Variants in SNRNP48 observed in about 807,000 individuals in gnomAD.
SNRNP48 encodes small nuclear ribonucleoprotein U11/U12 subunit 48.
Under a neutral mutation model 47.0 loss-of-function variants are expected in SNRNP48, and 43 were observed. The observed-to-expected ratio is 0.92, with a 90% confidence interval of 0.72 to 1.18. The LOEUF is 1.18. Among genes scored for constraint, SNRNP48 ranks in the 50% most tolerant of loss-of-function variants. The pLI is 0.00. For missense variants in SNRNP48, 396 were observed against 422.2 expected (o/e 0.94, Z 0.54); for synonymous variants, 138 against 144.0 (o/e 0.96, Z 0.30).
Position 7,590,419 on chromosome 6 carries a change from G to C in SNRNP48, c.156+6G>C, listed in dbSNP as rs1215310319. 7.7e-7 allele frequency: 1 copy of C among 1,300,216 alleles called. No homozygotes were observed. The highest frequency in any genetic ancestry group is 9.9e-7 in the Non-Finnish European group (1 of 1,013,122). 80.5% of individuals were successfully genotyped at this position (1,300,216 alleles called of 1,614,324 possible). A position where few individuals can be genotyped will look rare whatever the true frequency, so the allele number is the denominator to read the frequency against. ...GGGAAGAGGAGGCGGCGGAGGTGAG[G>C]AGCGCGGCCGCGGGGCCCTTTCGGG... On this transcript the variant is annotated splice_donor_region_variant and intron_variant, in intron 1 of 8. Coordinates refer to ENST00000342415, the MANE Select transcript of SNRNP48 (RefSeq NM_152551.4).
intron 8 of SNRNP48, among the ~76,000 whole-genome samples, chr6:7,607,092 G>A (rs890342491): frequency 6.6e-6 from 1 of 152,212 alleles, no homozygotes; most frequent in African/African-American, 2.4e-5. Flanking sequence ...GCTGAGGCAG[G>A]TGATCACTTG....
rs554509929 is a variant in SNRNP48, at chr6:7,592,985, G to C, written c.157-749G>C. Among the ~76,000 whole-genome samples, 5 of 152,242 alleles carry C rather than the reference G, an allele frequency of 3.3e-5. No individual in the cohort carries two copies. The East Asian group carries it at 9.6e-4, about 29-fold the overall frequency. On this transcript the variant is annotated intron_variant, in intron 1 of 8. Transcript: ENST00000342415. Reference sequence around the variant, plus strand: ...GAAATAGAAAAGTACAAAAGGAATAGATTTGAGGGTTGGGAGATGATGAAT... The same window carrying C: ...GAAATAGAAAAGTACAAAAGGAATACATTTGAGGGTTGGGAGATGATGAAT...
Position 7,602,727 on chromosome 6 carries a change from A to G in SNRNP48, c.700A>G (p.Lys234Glu). The G allele has an allele frequency of 2.5e-6, 4 of 1,584,888 alleles. No homozygotes were observed. Among genetic ancestry groups the G allele is most frequent in the Non-Finnish European group, 3.4e-6 (4 of 1,169,312 alleles). Reference sequence around the variant, plus strand: ...TAGAGCCAAGAATGTTCACATAACCAAGAAATCATATACTGAGGTAAGTTT... The same window carrying G: ...TAGAGCCAAGAATGTTCACATAACCGAGAAATCATATACTGAGGTAAGTTT... ...SYRAKNVHIT[K>E]KSYTEVIRDV... Residue 234 changes from lysine to glutamate, a missense_variant, in exon 6 of 9, where the codon AAG becomes GAG. By Grantham distance (56) the Lys-to-Glu change is moderately conservative (BLOSUM62 1). Coordinates refer to ENST00000342415, the MANE Select transcript of SNRNP48 (RefSeq NM_152551.4).
chr6:7,599,797 T>C (rs1266737086), intron 4 of SNRNP48: 1 of 1,248,224 alleles, frequency 8.0e-7, no homozygotes, highest in Non-Finnish European at 1.0e-6. Flanking sequence ...TCTTAATACC[T>C]GTCACATATT....
chr6:7,601,356 G>A lies in SNRNP48; in HGVS notation c.427G>A (p.Val143Ile). 1 of 1,576,148 alleles carries A rather than the reference G, an allele frequency of 6.3e-7. No homozygotes were observed. The highest frequency in any genetic ancestry group is 1.4e-5 in the African/African-American group (1 of 72,342). ...YNQRIYSSLP[V>I]EVPLNHKRFV... ...TTTAGGAATTTATTCTTCATTGCCTGTTGAAGTTCCTTTGAATCACAAACG... is the reference window on the plus strand; with the variant it reads ...TTTAGGAATTTATTCTTCATTGCCTATTGAAGTTCCTTTGAATCACAAACG... Residue 143 changes from valine (V) to isoleucine (I), a missense_variant, in exon 5 of 9, where the codon GTT becomes ATT. Transcript: ENST00000342415.
At chr6:7,598,962 G>A (rs1759960927) in intron 4 of SNRNP48, among the ~76,000 whole-genome samples, 1 of 151,962 alleles carries the variant, frequency 6.6e-6, no homozygotes, top group Non-Finnish European at 1.5e-5. Flanking sequence ...AAATATTCAG[G>A]TTGTATACTT....
chr6:7,610,284 G>A lies in SNRNP48; in HGVS notation c.*1411G>A, dbSNP rs536443772. 4.6e-5 allele frequency: 7 copies of A among 152,304 alleles called. No homozygotes were observed. In the East Asian group the frequency reaches 1.3e-3, roughly 29 times the overall value. 9.4% of individuals were successfully genotyped at this position (152,304 alleles called of 1,614,324 possible). A position where few individuals can be genotyped will look rare whatever the true frequency, so the allele number is the denominator to read the frequency against. Reference sequence around the variant, plus strand: ...GAAAGATTGGATTTGGATCAGATTGGCTGTTAGGCTTCAGGTATGGGAAAC... The same window carrying A: ...GAAAGATTGGATTTGGATCAGATTGACTGTTAGGCTTCAGGTATGGGAAAC... On this transcript the variant is annotated 3_prime_UTR_variant, in exon 9 of 9. Transcript: ENST00000342415.
intron 6 of SNRNP48, among the ~76,000 whole-genome samples, chr6:7,604,566 A>T (rs529328430): frequency 6.6e-6 from 1 of 152,316 alleles, no homozygotes; most frequent in African/African-American, 2.4e-5. Flanking sequence ...GGAGAAATGC[A>T]GTCAGGCCTG....
intron 4 of SNRNP48, among the ~76,000 whole-genome samples, chr6:7,597,471 A>G (rs1210768083): frequency 1.4e-4 from 21 of 152,188 alleles, no homozygotes; most frequent in Admixed American, 1.4e-3. Flanking sequence ...GCCATATATT[A>G]ATGATGATAA....
chr6:7,590,524 C>T (rs1175063741), intron 1 of SNRNP48, 111 bp downstream of exon 1: 1 of 1,175,122 alleles, frequency 8.5e-7, no homozygotes. Context: ...GAGTCCTCGT[C>T]CGTGTGCAGA....
At chr6:7,600,623 G>A (rs1355478267) in intron 4 of SNRNP48, 1 of 151,880 alleles carries the variant, frequency 6.6e-6, no homozygotes, top group Non-Finnish European at 1.5e-5. Context: ...TTTCACTAAT[G>A]AGCAGATTTT....
Position 7,593,722 on chromosome 6 carries a change from T to G in SNRNP48, c.157-12T>G. Reference sequence around the variant, plus strand: ...TGTACCTATTTTCTTTGTTTCTGTTTGATTTTTATAGGATGAAGTTGTGAT... The same window carrying G: ...TGTACCTATTTTCTTTGTTTCTGTTGGATTTTTATAGGATGAAGTTGTGAT... On this transcript the variant is annotated splice_polypyrimidine_tract_variant and intron_variant, in intron 1 of 8. Transcript: ENST00000342415. The G allele has an allele frequency of 6.6e-7, 1 of 1,523,446 alleles. No homozygotes were observed. 94.4% of individuals were successfully genotyped at this position (1,523,446 alleles called of 1,614,324 possible). A position where few individuals can be genotyped will look rare whatever the true frequency, so the allele number is the denominator to read the frequency against.
chr6:7,595,034 C>T lies in SNRNP48; in HGVS notation c.339C>T (p.Asp113=). ...VKIPSITLNK[D]SQFQIIKQAR... Reference sequence around the variant, plus strand: ...TTTTTTTTTTTTTGACAGATAAGGACTCACAATTCCAGATAATTAAACAAG... The same window carrying T: ...TTTTTTTTTTTTTGACAGATAAGGATTCACAATTCCAGATAATTAAACAAG... Residue 113 remains aspartate (D), a synonymous_variant, in exon 4 of 9, where the codon GAC becomes GAT. Coordinates refer to ENST00000342415, the MANE Select transcript of SNRNP48 (RefSeq NM_152551.4). 6.3e-7 allele frequency: 1 copy of T among 1,588,926 alleles called. No individual in the cohort carries two copies. Among genetic ancestry groups the T allele is most frequent in the Non-Finnish European group, 8.5e-7 (1 of 1,171,098 alleles).
rs1759858168 is a variant in SNRNP48, at chr6:7,593,791, G to A, written c.214G>A (p.Ala72Thr). 1.9e-6 allele frequency: 3 copies of A among 1,599,202 alleles called. No homozygotes were observed. In the East Asian group the frequency reaches 6.7e-5, roughly 36 times the overall value. ...TCATCACATGCCTAAATCATCTTTG[G>A]CAAAGCACATGGCATCTTGTAGATT... is the stretch of plus-strand genomic sequence containing the variant. Reference protein sequence around the residue: ...SNHHMPKSSLAKHMASCRLRK... With the variant: ...SNHHMPKSSLTKHMASCRLRK... The change falls in exon 2 of 9, where the codon GCA becomes ACA. Residue 72 changes from alanine to threonine, a missense_variant. By Grantham distance (58) the Ala-to-Thr change is moderately conservative. Coordinates refer to ENST00000342415, the MANE Select transcript of SNRNP48 (RefSeq NM_152551.4).
chr6:7,606,075 G>C lies in SNRNP48; in HGVS notation c.851G>C (p.Gly284Ala). The C allele has an allele frequency of 3.1e-6, 5 of 1,612,244 alleles. No homozygotes were observed. The highest frequency in any genetic ancestry group is 2.2e-5 in the East Asian group (1 of 44,868). The change falls in exon 8 of 9, where the codon GGT becomes GCT. Residue 284 changes from glycine to alanine, a missense_variant. Transcript: ENST00000342415. Reference sequence around the variant, plus strand: ...GCTTCAGTAGATTCACGGCAGTCTGGTGGAAGCTATTTGGATGCTGAGTGT... The same window carrying C: ...GCTTCAGTAGATTCACGGCAGTCTGCTGGAAGCTATTTGGATGCTGAGTGT... ...RSASVDSRQS[G>A]GSYLDAECSR...
At chr6:7,605,272 T>G in intron 6 of SNRNP48, 126 bp from the exon 7 acceptor site, 1 of 700,768 alleles carries the variant, frequency 1.4e-6, no homozygotes, top group Non-Finnish European at 2.4e-6. Context: ...ACTGCACAAG[T>G]CCCACAGTCA....
rs1760123075 is a variant in SNRNP48, at chr6:7,606,151, CAAAGAT to C, written c.930_935del (p.Asp313_Lys314del). On this transcript the variant is annotated inframe_deletion, in exon 8 of 9. Transcript: ENST00000342415. ...GAAGCCCACATAAAAGAAAAAGAAA[CAAAGAT>C]AAGGATAAAAACTGTGAGTCGAGAA... 9 of 1,613,138 alleles carry C rather than the reference CAAAGAT, an allele frequency of 5.6e-6. No homozygotes were observed. Among genetic ancestry groups the C allele is most frequent in the East Asian group, 2.2e-5 (1 of 44,842 alleles).
intron 6 of SNRNP48, among the ~76,000 whole-genome samples, chr6:7,603,311 G>A (rs1427250642): frequency 6.6e-6 from 1 of 152,092 alleles, no homozygotes; most frequent in Non-Finnish European, 1.5e-5. Flanking sequence ...CTTGGTGTAT[G>A]TCTAGACTTA....
At chr6:7,591,620 C>G (rs934012163) in intron 1 of SNRNP48, among the ~76,000 whole-genome samples, 1 of 152,184 alleles carries the variant, frequency 6.6e-6, no homozygotes. Context: ...GCTTACCAGA[C>G]CCTTCCATAC....
Sources: gnomAD v4.1 joint callset for allele counts (sites outside exome capture counted in the v4.1 genomes callset) on GRCh38, gnomAD v4.1.1 for gene constraint, MANE v1.5 for transcripts, NCBI Gene and HGNC (gene_info 2026-07-23, HGNC 2026-07-21) for gene names.